PDIA6: variants seen among roughly 807,000 people sequenced by gnomAD.
PDIA6 encodes the protein protein disulfide isomerase family A member 6.
Under a neutral mutation model 58.4 loss-of-function variants are expected in PDIA6, and 29 were observed. The ratio of observed to expected loss-of-function variants is 0.50; its 90% CI spans 0.37 to 0.68. The LOEUF (loss-of-function observed/expected upper bound fraction) is 0.68, where lower values mean the gene tolerates loss of function less well. PDIA6 is among the 30% of genes least tolerant of loss of function. The pLI is 0.00. For synonymous variants in PDIA6, 192 were observed against 202.6 expected (o/e 0.95, Z 0.44); for missense variants, 480 against 551.0 (o/e 0.87, Z 1.29).
chr2:10,795,336 G>A (rs1666219540), intron 4 of PDIA6, among the ~76,000 whole-genome samples: 1 of 152,166 alleles, frequency 6.6e-6, no homozygotes, highest in Non-Finnish European at 1.5e-5. Flanking sequence ...CTAAAAACAT[G>A]TGCATTTTCA....
In PDIA6 at chr2:10,790,384, CA is replaced by C. The variant is rs554330294; in HGVS notation, c.699+334del. 1.2e-4 allele frequency among the ~76,000 whole-genome samples: 19 copies of C among 152,260 alleles called. 1 individual carries two copies. The South Asian group carries it at 1.4e-3, about 12-fold the overall frequency. ...GTTTTAACAGTCTGTGAAGTTTAGC[CA>C]ATCATATTCAAGCCCTGGTATATAA... On this transcript the variant is annotated intron_variant, in intron 7 of 12. Transcript: ENST00000272227.
intron 1 of PDIA6, among the ~76,000 whole-genome samples, chr2:10,831,523 G>T (rs568282078): frequency 1.3e-5 from 2 of 152,142 alleles, no homozygotes; most frequent in Non-Finnish European, 2.9e-5. Flanking sequence ...GCAGGTCATC[G>T]GTCAGACCTC....
chr2:10,813,976 C>T (rs185367318), upstream of PDIA6, among the ~76,000 whole-genome samples: 2,310 of 152,240 alleles, frequency 0.015, 32 homozygotes, highest in South Asian at 0.045. Flanking sequence ...CCGCCTGCTT[C>T]GGCCTCCCAA....
At chr2:10,817,726 T>C (rs1199846851), upstream of PDIA6, among the ~76,000 whole-genome samples, 1 of 152,186 alleles carries the variant, frequency 6.6e-6, no homozygotes, top group Non-Finnish European at 1.5e-5. Flanking sequence ...ACAGGGACCT[T>C]GGGGCCACTG....
chr2:10,825,996 C>G (rs1667545983), intron 1 of PDIA6, among the ~76,000 whole-genome samples: 1 of 152,220 alleles, frequency 6.6e-6, no homozygotes, highest in African/African-American at 2.4e-5. Flanking sequence ...AAATGAAACA[C>G]ATGTCCACAC....
intron 12 of PDIA6, 104 bp downstream of exon 12, chr2:10,784,830 G>A: frequency 1.2e-6 from 1 of 808,854 alleles, no homozygotes; most frequent in Non-Finnish European, 2.1e-6. Context: ...GTGCACCAGG[G>A]CTGAGGTCTG....
At chr2:10,806,577 C>G (rs1269079265) in intron 1 of PDIA6, among the ~76,000 whole-genome samples, 3 of 112,940 alleles carry the variant, frequency 2.7e-5, no homozygotes, top group Non-Finnish European at 6.0e-5. Context: ...CAGTTCAAAA[C>G]CAGGCTGGCC....
At chr2:10,791,993 A>T in intron 5 of PDIA6, 68 bp from the exon 6 acceptor site, 2 of 1,482,652 alleles carry the variant, frequency 1.3e-6, no homozygotes, top group Non-Finnish European at 9.3e-7. Context: ...TTTAAATAAT[A>T]ACACTACTGC....
At chr2:10,828,868 C>A (rs1164171562) in intron 1 of PDIA6, among the ~76,000 whole-genome samples, 2 of 152,194 alleles carry the variant, frequency 1.3e-5, no homozygotes, top group African/African-American at 2.4e-5. Context: ...ACTCCGGAAG[C>A]CTGGGATGCA....
chr2:10,820,864 T>C (rs1303062119), intron 1 of PDIA6: 5 of 702,908 alleles, frequency 7.1e-6, no homozygotes, highest in Admixed American at 6.0e-5. Context: ...TCTCTTCTCA[T>C]GGATGCTGGG....
In PDIA6 at chr2:10,784,575, T is replaced by C. The variant is rs1178379310; in HGVS notation, c.1255-249A>G. On this transcript the variant is annotated intron_variant, in intron 12 of 12. Coordinates refer to ENST00000272227, the MANE Select transcript of PDIA6 (RefSeq NM_005742.4). The stretch of plus-strand genomic sequence containing the variant: ...CTGGAAGCCACTTGAACGTGTCCTT[T>C]TGAGGAGGGTGGGACACAACAGTAC... 11 of 522,728 alleles carry C rather than the reference T, an allele frequency of 2.1e-5. 1 individual carries two copies. The highest frequency in any genetic ancestry group is 4.8e-4 in the Middle Eastern group (1 of 2,066). The allele number at this position is 522,728 out of a possible 1,614,324, so 32.4% of individuals were successfully genotyped here. A position where few individuals can be genotyped will look rare whatever the true frequency, so the allele number is the denominator to read the frequency against.
intron 1 of PDIA6, among the ~76,000 whole-genome samples, chr2:10,812,176 C>T (rs930386926): frequency 5.3e-5 from 8 of 152,206 alleles, no homozygotes; most frequent in Non-Finnish European, 1.0e-4. Context: ...TTCCAAAGTG[C>T]TGGGATTACA....
At chr2:10,794,579 C>G (rs1363260140) in intron 4 of PDIA6, among the ~76,000 whole-genome samples, 1 of 150,892 alleles carries the variant, frequency 6.6e-6, no homozygotes, top group Non-Finnish European at 1.5e-5. Context: ...TGGCAGCCGG[C>G]CTTTTTTTCT....
At chr2:10,803,909 G>GTTT in intron 1 of PDIA6, among the ~76,000 whole-genome samples, 1 of 80,312 alleles carries the variant, frequency 1.2e-5, no homozygotes, top group African/African-American at 3.2e-5. Flanking sequence ...CCTAGTTTTT[G>GTTT]TGTTTTTTTT....
At chr2:10,822,534 T>C (rs1231411555) in intron 1 of PDIA6, among the ~76,000 whole-genome samples, 1 of 152,202 alleles carries the variant, frequency 6.6e-6, no homozygotes, top group Admixed American at 6.5e-5. Flanking sequence ...AGTGCTAGGA[T>C]TACAGGCGTG....
At chr2:10,827,563 C>T (rs957084929) in intron 1 of PDIA6, among the ~76,000 whole-genome samples, 1 of 152,046 alleles carries the variant, frequency 6.6e-6, no homozygotes, top group African/African-American at 2.4e-5. Context: ...GTGGCTCACA[C>T]TTGTAATTCC....
chr2:10,830,188 G>A (rs1667670943), intron 1 of PDIA6, among the ~76,000 whole-genome samples: 1 of 152,212 alleles, frequency 6.6e-6, no homozygotes. Context: ...CCTCCAGTGT[G>A]GGTGCGCAGC....
At chr2:10,821,246 C>T (rs1454315305) in intron 1 of PDIA6, 1 of 188,246 alleles carries the variant, frequency 5.3e-6, no homozygotes, top group African/African-American at 2.4e-5. Flanking sequence ...CTGTTGCTTC[C>T]AGTCTCTACC....
intron 1 of PDIA6, among the ~76,000 whole-genome samples, chr2:10,812,355 G>A (rs1667032963): frequency 6.6e-6 from 1 of 151,804 alleles, no homozygotes; most frequent in Non-Finnish European, 1.5e-5. Flanking sequence ...CGGGAATACA[G>A]ACCCCCTCCC....
Sources: allele counts gnomAD v4.1 joint callset (sites outside exome capture counted in the v4.1 genomes callset), GRCh38; gene constraint gnomAD v4.1.1; transcripts MANE v1.5; gene names NCBI Gene and HGNC (gene_info 2026-07-23, HGNC 2026-07-21).